Variants in CEP112 observed in about 807,000 individuals in gnomAD.
The protein encoded by CEP112 is centrosomal protein 112.
Under a neutral mutation model 153.0 loss-of-function variants are expected in CEP112, and 127 were observed. That is an observed-to-expected ratio of 0.83 (90% CI 0.72 to 0.96). The LOEUF (loss-of-function observed/expected upper bound fraction) is 0.96. Ranked by LOEUF, CEP112 falls within the 40% of genes least tolerant of loss-of-function variation. CEP112 has a pLI of 0.00. For synonymous variants in CEP112, 358 were observed against 374.4 expected, an observed-to-expected ratio of 0.96 and a Z score of 0.51; for missense variants, 1,089 against 1,101.2, an observed-to-expected ratio of 0.99 and a Z score of 0.16.
intron 21 of CEP112, among the ~76,000 whole-genome samples, chr17:65,753,074 A>G (rs1381126571): frequency 6.6e-6 from 1 of 152,170 alleles, no homozygotes; most frequent in African/African-American, 2.4e-5. Context: ...GGACTTCCTC[A>G]GGGAGTAGAG....
chr17:65,720,253 G>C (rs1467475714), intron 23 of CEP112, among the ~76,000 whole-genome samples: 2 of 152,170 alleles, frequency 1.3e-5, no homozygotes, highest in Non-Finnish European at 2.9e-5. Flanking sequence ...TTGATATCCA[G>C]GGAGGTTTTG....
At chr17:66,002,136 A>C (rs2064083918) in intron 17 of CEP112, among the ~76,000 whole-genome samples, 1 of 152,212 alleles carries the variant, frequency 6.6e-6, no homozygotes, top group African/African-American at 2.4e-5. Context: ...CTCCTTCTTA[A>C]ATAATGATAG....
intron 19 of CEP112, among the ~76,000 whole-genome samples, chr17:65,926,692 G>T (rs931548184): frequency 1.2e-4 from 18 of 146,808 alleles, no homozygotes; most frequent in African/African-American, 4.9e-4. Context: ...CAGCCTGGGT[G>T]AGAGAGTGAG....
intron 10 of CEP112, among the ~76,000 whole-genome samples, chr17:66,063,448 G>T (rs1008884906): frequency 1.3e-5 from 2 of 151,910 alleles, no homozygotes; most frequent in African/African-American, 2.4e-5. Context: ...CTGAGCTATG[G>T]GTATGCAAAG....
intron 21 of CEP112, among the ~76,000 whole-genome samples, chr17:65,820,656 T>C (rs146424579): frequency 2.3e-3 from 353 of 152,274 alleles, no homozygotes; most frequent in African/African-American, 7.9e-3. Flanking sequence ...TAATTTCTTA[T>C]TCTCAGGAAG....
intron 16 of CEP112, among the ~76,000 whole-genome samples, chr17:66,008,993 G>T (rs917224251): frequency 6.6e-6 from 1 of 152,138 alleles, no homozygotes; most frequent in Non-Finnish European, 1.5e-5. Context: ...ATGAACATAG[G>T]AGTGTAGATA....
At chr17:66,121,095 A>G (rs1024949864) in intron 6 of CEP112, among the ~76,000 whole-genome samples, 1 of 152,108 alleles carries the variant, frequency 6.6e-6, no homozygotes, top group Non-Finnish European at 1.5e-5. Flanking sequence ...TCTGACCAAC[A>G]TGGAGAAACC....
intron 4 of CEP112, among the ~76,000 whole-genome samples, chr17:66,133,816 T>C (rs1198503968): frequency 6.6e-6 from 1 of 152,192 alleles, no homozygotes; most frequent in East Asian, 1.9e-4. Context: ...AGAATGTTAA[T>C]TCAAAAGACA....
chr17:66,078,257 CTTTTTCTTT>C (rs1270470772), intron 8 of CEP112, among the ~76,000 whole-genome samples: 3 of 50,736 alleles, frequency 5.9e-5, no homozygotes, highest in Admixed American at 3.8e-4. Context: ...CTTTTCTTTT[CTTTTTCTTT>C]TTTTTTTTTT....
intron 6 of CEP112, among the ~76,000 whole-genome samples, chr17:66,115,140 G>A (rs1347991175): frequency 6.6e-6 from 1 of 152,120 alleles, no homozygotes; most frequent in Non-Finnish European, 1.5e-5. Flanking sequence ...GGGAGGCAGA[G>A]GTTGCAGTGA....
At position 66,102,954 on chromosome 17, in the gene CEP112, T is replaced by C. The variant is rs368432736; in HGVS notation, c.643-6322A>G. 2.8e-4 allele frequency among the ~76,000 whole-genome samples: 42 copies of C among 152,184 alleles called. No homozygotes were observed. The East Asian group carries it at 4.1e-3, about 15-fold the overall frequency. On this transcript the variant is annotated intron_variant, in intron 6 of 26. Transcript: ENST00000535342. ...AGTATGAAAAACTAGCCAGGTGTGG[T>C]GGCTCACGCCTGTAATCCCAGCACT...
chr17:66,146,656 A>G (rs143256012), intron 4 of CEP112, among the ~76,000 whole-genome samples: 11 of 152,194 alleles, frequency 7.2e-5, no homozygotes, highest in African/African-American at 2.6e-4. Flanking sequence ...TACAGTCATT[A>G]AACAATAACT....
At chr17:65,715,256 C>T (rs1218565375) in intron 23 of CEP112, among the ~76,000 whole-genome samples, 2 of 151,908 alleles carry the variant, frequency 1.3e-5, no homozygotes, top group Non-Finnish European at 2.9e-5. Flanking sequence ...CAGTCTGGAA[C>T]CTGAAGAGAA....
intron 24 of CEP112, among the ~76,000 whole-genome samples, chr17:65,654,002 T>C (rs2045925724): frequency 1.6e-5 from 2 of 128,388 alleles, no homozygotes; most frequent in African/African-American, 6.2e-5. Context: ...GAGGTTGCAG[T>C]AAGCCGAGAT....
At chr17:66,090,303 G>A (rs537358499) in intron 8 of CEP112, among the ~76,000 whole-genome samples, 1 of 151,964 alleles carries the variant, frequency 6.6e-6, no homozygotes, top group East Asian at 1.9e-4. Flanking sequence ...ATAATATAAT[G>A]TTGTGGAAAT....
At chr17:66,027,374 C>G (rs1464184780) in intron 16 of CEP112, 127 bp downstream of exon 16, 33 of 888,750 alleles carry the variant, frequency 3.7e-5, no homozygotes, top group Admixed American at 5.7e-5. Context: ...AAGACTCTGT[C>G]TAAAAAAAAA....
At chr17:65,720,663 C>T (rs1219559952) in intron 23 of CEP112, among the ~76,000 whole-genome samples, 4 of 152,016 alleles carry the variant, frequency 2.6e-5, no homozygotes, top group East Asian at 1.9e-4. Context: ...AGAAGGGAAA[C>T]GGGATTAAGA....
At chr17:65,850,635 G>T (rs149716298) in intron 21 of CEP112, among the ~76,000 whole-genome samples, 42 of 152,230 alleles carry the variant, frequency 2.8e-4, no homozygotes, top group Admixed American at 1.2e-3. Flanking sequence ...CTATTCAAGT[G>T]TGAGTCAAAT....
chr17:66,131,578 A>G (rs1244584433), intron 5 of CEP112, among the ~76,000 whole-genome samples: 2 of 151,876 alleles, frequency 1.3e-5, no homozygotes, highest in African/African-American at 4.8e-5. Context: ...CGTCTCTACT[A>G]AAAATACAAA....
Sources: gnomAD v4.1 joint callset for allele counts (sites outside exome capture counted in the v4.1 genomes callset) on GRCh38, gnomAD v4.1.1 for gene constraint, MANE v1.5 for transcripts, NCBI Gene and HGNC (gene_info 2026-07-23, HGNC 2026-07-21) for gene names.